Variants in LRRC41 observed in about 807,000 individuals in gnomAD.
LRRC41 encodes the protein leucine rich repeat containing 41, also known as leucine-rich repeat-containing protein 41.
A neutral mutation model predicts 72.1 loss-of-function variants in LRRC41; 17 were observed. That is an observed-to-expected ratio of 0.24 (90% confidence interval 0.16 to 0.35). The LOEUF (loss-of-function observed/expected upper bound fraction) is 0.35, where lower values mean the gene tolerates loss of function less well. LRRC41 is among the 10% of genes least tolerant of loss of function. The pLI is 1.00. For synonymous variants in LRRC41, 427 were observed against 431.0 expected (o/e 0.99, Z 0.11); for missense variants, 759 against 1,065.0 (o/e 0.71, Z 4.00).
Position 46,303,278 on chromosome 1 carries a change from A to T in LRRC41, c.45T>A (p.Cys15Ter), listed in dbSNP as rs887514604. ...EAWRARSCWF[C>*]EVAAATTMEA... The stretch of plus-strand genomic sequence containing the variant: ...CCATGGTCGTTGCCGCCGCTACCTC[A>T]CAGAACCAGCAACTCCGGGCGCGCC... Residue 15 changes from cysteine to a stop codon, truncating the protein, a stop_gained, in exon 1 of 10, where the codon TGT (cysteine) becomes TGA (stop). Coordinates refer to ENST00000617190, the MANE Select transcript of LRRC41 (RefSeq NM_006369.5). LOFTEE classifies it high-confidence loss of function. 6 of 1,543,794 alleles carry T rather than the reference A, an allele frequency of 3.9e-6. No homozygotes were observed.
At position 46,277,594 on chromosome 1, in the gene LRRC41, T is replaced by C. The variant is rs1015176316; in HGVS notation, c.*1271A>G. Reference sequence around the variant, plus strand: ...CAGGCCCTGGGACCCTTCATTAGTATAGAAAGTAGCCTGGGTGGGCAGACT... The same window carrying C: ...CAGGCCCTGGGACCCTTCATTAGTACAGAAAGTAGCCTGGGTGGGCAGACT... On this transcript the variant is annotated 3_prime_UTR_variant, in exon 10 of 10. Transcript: ENST00000617190. The C allele has an allele frequency of 6.2e-5, 37 of 594,058 alleles. No individual in the cohort carries two copies. The highest frequency in any genetic ancestry group is 1.2e-4 in the South Asian group (6 of 50,880). The allele number at this position is 594,058 out of a possible 1,614,324, so 36.8% of individuals were successfully genotyped here. A position where few individuals can be genotyped will look rare whatever the true frequency, so the allele number is the denominator to read the frequency against.
chr1:46,296,771 C>T (rs1296305065), intron 3 of LRRC41: 2 of 152,196 alleles, frequency 1.3e-5, no homozygotes, highest in African/African-American at 2.4e-5. Context: ...AGTTTATTAC[C>T]TCTAGAATTA....
Position 46,278,856 on chromosome 1 carries a change from C to A in LRRC41, c.*9G>T. On this transcript the variant is annotated 3_prime_UTR_variant, in exon 10 of 10. Coordinates refer to ENST00000617190, the MANE Select transcript of LRRC41 (RefSeq NM_006369.5). ...GTACCGAGCATGAGACTGTGAGGTA[C>A]GGGCCCCATCACATGGTGCTAACAT... is the stretch of plus-strand genomic sequence containing the variant. 3 of 1,604,904 alleles carry A rather than the reference C, an allele frequency of 1.9e-6. No homozygotes were observed. The highest frequency in any genetic ancestry group is 2.5e-6 in the Non-Finnish European group (3 of 1,177,024).
In LRRC41 at chr1:46,302,496, C is replaced by A. The variant is rs1182267750; in HGVS notation, c.199+628G>T. On this transcript the variant is annotated intron_variant, in intron 1 of 9. Coordinates refer to ENST00000617190, the MANE Select transcript of LRRC41 (RefSeq NM_006369.5). This position sits in a 1 kb window ranked among gnomAD's most constrained non-coding sequence, Gnocchi z 4.7. ...CGGTTGTCGGTTCGCTCCCGTCAGC[C>A]CTGGGCCGTCAGACAGGCCGCGGCG... is the stretch of plus-strand genomic sequence containing the variant. 1 of 985,276 alleles carries A rather than the reference C, an allele frequency of 1.0e-6. No individual in the cohort carries two copies. The highest frequency in any genetic ancestry group is 1.2e-6 in the Non-Finnish European group (1 of 829,920). 61.0% of individuals were successfully genotyped at this position (985,276 alleles called of 1,614,324 possible).
chr1:46,282,442 T>C (rs905809508), intron 4 of LRRC41, among the ~76,000 whole-genome samples: 2 of 152,192 alleles, frequency 1.3e-5, no homozygotes, highest in African/African-American at 2.4e-5. Flanking sequence ...CTACTAAATA[T>C]CAAGTTTTTT....
intron 4 of LRRC41, among the ~76,000 whole-genome samples, chr1:46,283,022 CAAAA>C (rs59632701): frequency 1.1e-4 from 6 of 53,826 alleles, no homozygotes; most frequent in East Asian, 5.3e-4. Context: ...GACTCCCTGT[CAAAA>C]AAAAAAAAAA....
chr1:46,278,749 GAAAA>G lies in LRRC41; in HGVS notation c.*112_*115del. The G allele has an allele frequency of 9.3e-7, 1 of 1,072,032 alleles. No homozygotes were observed. The highest frequency in any genetic ancestry group is 2.1e-4 in the Middle Eastern group (1 of 4,866). The allele number at this position is 1,072,032 out of a possible 1,614,324, so 66.4% of individuals were successfully genotyped here. On this transcript the variant is annotated 3_prime_UTR_variant, in exon 10 of 10. Coordinates refer to ENST00000617190, the MANE Select transcript of LRRC41 (RefSeq NM_006369.5). ...AGTGCAAGGGAAGAAGGAAAAAAGA[GAAAA>G]AAGGTGACAGAAAGAGAAAGATAGA...
chr1:46,283,776 C>T (rs140020553), intron 4 of LRRC41, among the ~76,000 whole-genome samples: 1 of 151,222 alleles, frequency 6.6e-6, no homozygotes, highest in Non-Finnish European at 1.5e-5. Flanking sequence ...TGCAGTGGCA[C>T]GATCTCCAGT....
intron 2 of LRRC41, 91 bp downstream of exon 2, chr1:46,298,193 C>G: frequency 8.8e-6 from 8 of 912,588 alleles, no homozygotes; most frequent in Non-Finnish European, 1.4e-5. Flanking sequence ...GCACGAAGTT[C>G]TAGCAGGTAT....
chr1:46,285,322 G>A lies in LRRC41; in HGVS notation c.1495+40C>T, dbSNP rs766870397. 6 of 1,603,136 alleles carry A rather than the reference G, an allele frequency of 3.7e-6. No individual in the cohort carries two copies. The highest frequency in any genetic ancestry group is 5.1e-6 in the Non-Finnish European group (6 of 1,174,112). ...ATTAGGCACACAGCTGGTGCTGCTAGGCAATCTAAGCCCAATCCCTGCCAC... is the reference window on the plus strand; with the variant it reads ...ATTAGGCACACAGCTGGTGCTGCTAAGCAATCTAAGCCCAATCCCTGCCAC... On this transcript the variant is annotated intron_variant, in intron 4 of 9. Coordinates refer to ENST00000617190, the MANE Select transcript of LRRC41 (RefSeq NM_006369.5). The surrounding 1 kb of genome is among the most constrained non-coding windows in gnomAD (Gnocchi z 5.3).
At position 46,278,780 on chromosome 1, in the gene LRRC41, C is replaced by T; in HGVS notation, c.*85G>A. 1 of 1,268,064 alleles carries T rather than the reference C, an allele frequency of 7.9e-7. No homozygotes were observed. The highest frequency in any genetic ancestry group is 1.2e-5 in the South Asian group (1 of 81,458). The allele number at this position is 1,268,064 out of a possible 1,614,324, so 78.6% of individuals were successfully genotyped here. The stretch of plus-strand genomic sequence containing the variant: ...AGGTGACAGAAAGAGAAAGATAGAA[C>T]TGGTGGTTGGGGTTCTGGGCAGCCC... On this transcript the variant is annotated 3_prime_UTR_variant, in exon 10 of 10. Transcript: ENST00000617190.
At chr1:46,284,165 G>A (rs549376137) in intron 4 of LRRC41, 1 of 152,318 alleles carries the variant, frequency 6.6e-6, no homozygotes, top group Non-Finnish European at 1.5e-5. Context: ...AGATAACTAA[G>A]GTTGTGAAGA....
Position 46,286,548 on chromosome 1 carries a change from G to A in LRRC41, c.358-49C>T. On this transcript the variant is annotated intron_variant, in intron 3 of 9. Coordinates refer to ENST00000617190, the MANE Select transcript of LRRC41 (RefSeq NM_006369.5). This position sits in a 1 kb window ranked among gnomAD's most constrained non-coding sequence, Gnocchi z 5.5. ...ACAGCCATGATATATCCATGAAACT[G>A]TCCAAATTTCCCTCTCTTCCAATAG... 6.6e-7 allele frequency: 1 copy of A among 1,516,100 alleles called. No homozygotes were observed. Among genetic ancestry groups the A allele is most frequent in the Non-Finnish European group, 8.9e-7 (1 of 1,128,930 alleles). 93.9% of individuals were successfully genotyped at this position (1,516,100 alleles called of 1,614,324 possible).
rs1414655601 is a variant in LRRC41, at chr1:46,298,339, T to C, written c.231A>G (p.Leu77=). The change falls in exon 2 of 10, where the codon CTA becomes CTG. Residue 77 remains leucine, a synonymous_variant. Transcript: ENST00000617190. ...CCAAGTAATATATATTGAGCAGAGG[T>C]AGGATGCTTTGAAGTATTGGGCCTG... is the stretch of plus-strand genomic sequence containing the variant. ...ALPGPILQSI[L]PLLNIYYLER... 1 of 1,612,364 alleles carries C rather than the reference T, an allele frequency of 6.2e-7. No homozygotes were observed. The highest frequency in any genetic ancestry group is 8.5e-7 in the Non-Finnish European group (1 of 1,179,224).
rs1660894387 is a variant in LRRC41, at chr1:46,286,866, T to C, written c.358-367A>G. Among the ~76,000 whole-genome samples the C allele has an allele frequency of 6.6e-6, 1 of 152,218 alleles. No individual in the cohort carries two copies. Among genetic ancestry groups the C allele is most frequent in the Non-Finnish European group, 1.5e-5 (1 of 68,036 alleles). ...TAGAGTCTCACTTTGTAGCCTAGGC[T>C]GGAGTGCAGTGGTGTGATCTCAGCT... On this transcript the variant is annotated intron_variant, in intron 3 of 9. Transcript: ENST00000617190. This position sits in a 1 kb window ranked among gnomAD's most constrained non-coding sequence, Gnocchi z 5.5.
At chr1:46,297,816 G>T (rs113450440) in intron 2 of LRRC41, among the ~76,000 whole-genome samples, 183 bp from the exon 3 acceptor site, 1 of 152,158 alleles carries the variant, frequency 6.6e-6, no homozygotes. Flanking sequence ...GTGACTTTGC[G>T]CAAGTTACTT....
intron 2 of LRRC41, 88 bp from the exon 3 acceptor site, chr1:46,297,721 G>A (rs1661152568): frequency 2.1e-6 from 2 of 957,608 alleles, no homozygotes; most frequent in Admixed American, 1.7e-5. Flanking sequence ...GGGTTCACAG[G>A]AGCAATATGG....
chr1:46,285,285 C>T lies in LRRC41; in HGVS notation c.1495+77G>A. The T allele has an allele frequency of 2.0e-6, 3 of 1,510,980 alleles. No individual in the cohort carries two copies. The highest frequency in any genetic ancestry group is 2.7e-6 in the Non-Finnish European group (3 of 1,106,522). 93.6% of individuals were successfully genotyped at this position (1,510,980 alleles called of 1,614,324 possible). ...GATCATACCCCCAATTTGCCCCTCC[C>T]ACCTCCCTAGAATTAGGCACACAGC... On this transcript the variant is annotated intron_variant, in intron 4 of 9. Coordinates refer to ENST00000617190, the MANE Select transcript of LRRC41 (RefSeq NM_006369.5). This position sits in a 1 kb window ranked among gnomAD's most constrained non-coding sequence, Gnocchi z 5.3.
intron 5 of LRRC41, 119 bp from the exon 6 acceptor site, chr1:46,280,679 G>T (rs1356337792): frequency 2.0e-6 from 2 of 988,142 alleles, no homozygotes; most frequent in Non-Finnish European, 3.0e-6. Flanking sequence ...ACTTGTCGTT[G>T]AGTGCCTACC....
Sources: gnomAD v4.1 joint callset for allele counts (sites outside exome capture counted in the v4.1 genomes callset) on GRCh38, gnomAD v4.1.1 for gene constraint, Gnocchi (gnomAD v3.1) non-coding constraint, MANE v1.5 for transcripts, NCBI Gene and HGNC (gene_info 2026-07-23, HGNC 2026-07-21) for gene names.